Variants in NR2F6 observed in about 807,000 individuals in gnomAD.
NR2F6 encodes the protein ERBA-related gene-2.
A neutral mutation model predicts 26.5 loss-of-function variants in NR2F6; 16 were observed. The ratio of observed to expected loss-of-function variants is 0.60; its 90% CI spans 0.41 to 0.92. The LOEUF (loss-of-function observed/expected upper bound fraction) is 0.92, where lower values mean the gene tolerates loss of function less well. Ranked by LOEUF, NR2F6 falls within the 40% of genes least tolerant of loss-of-function variation. NR2F6 has a pLI of 0.00. For missense variants in NR2F6, 536 were observed against 631.7 expected, an observed-to-expected ratio of 0.85 and a Z score of 1.62; for synonymous variants, 325 against 305.0, an observed-to-expected ratio of 1.07 and a Z score of -0.68.
chr19:17,232,613 G>A lies in NR2F6; in HGVS notation c.954C>T (p.Leu318=). ...IALFTPDACG[L]SDPAHVESLQ... Reference sequence around the variant, plus strand: ...GGCTCTCAACGTGGGCCGGGTCTGAGAGGCCACAGGCGTCTAGGGGGACAA... The same window carrying A: ...GGCTCTCAACGTGGGCCGGGTCTGAAAGGCCACAGGCGTCTAGGGGGACAA... Residue 318 remains leucine (L), a synonymous_variant, in exon 4 of 4, where the codon CTC becomes CTT. Coordinates refer to ENST00000291442, the MANE Select transcript of NR2F6 (RefSeq NM_005234.4). 1.3e-6 allele frequency: 2 copies of A among 1,545,396 alleles called. No individual in the cohort carries two copies. The highest frequency in any genetic ancestry group is 1.7e-6 in the Non-Finnish European group (2 of 1,148,350).
At chr19:17,242,940 C>T (rs2073477423) in intron 1 of NR2F6, among the ~76,000 whole-genome samples, 2 of 152,204 alleles carry the variant, frequency 1.3e-5, no homozygotes, top group South Asian at 2.1e-4. Context: ...TTCTGGCCTC[C>T]AGTCCAATTT....
At chr19:17,236,490 C>T (rs556956989) in intron 2 of NR2F6, among the ~76,000 whole-genome samples, 23 of 152,034 alleles carry the variant, frequency 1.5e-4, no homozygotes, top group Non-Finnish European at 3.1e-4. Flanking sequence ...AGCCACCACC[C>T]CCCACCCCCA....
intron 2 of NR2F6, among the ~76,000 whole-genome samples, chr19:17,237,102 C>T (rs1218017074): frequency 1.3e-5 from 2 of 152,096 alleles, no homozygotes; most frequent in Non-Finnish European, 2.9e-5. Context: ...GAGCAAACAC[C>T]GGAGGGGAAC....
At position 17,235,645 on chromosome 19, in the gene NR2F6, A is replaced by G; in HGVS notation, c.794T>C (p.Leu265Pro). ...CTCGGCGGCCATAGGCGCGGCGTGG[A>G]GGCCGGCGGCGGCCAGTAGCGGCGC... ...HTAPLLAAAG[L>P]HAAPMAAERA... Residue 265 changes from leucine to proline, a missense_variant, in exon 3 of 4, where the codon CTC becomes CCC. Coordinates refer to ENST00000291442, the MANE Select transcript of NR2F6 (RefSeq NM_005234.4). The surrounding 1 kb of genome is among the most constrained non-coding windows in gnomAD (Gnocchi z 5.0). The G allele has an allele frequency of 6.5e-6, 10 of 1,530,146 alleles. No individual in the cohort carries two copies. Among genetic ancestry groups the G allele is most frequent in the Non-Finnish European group, 8.7e-6 (10 of 1,146,590 alleles). 94.8% of individuals were successfully genotyped at this position (1,530,146 alleles called of 1,614,324 possible).
intron 1 of NR2F6, among the ~76,000 whole-genome samples, chr19:17,242,084 C>T (rs943491466): frequency 6.6e-6 from 1 of 150,968 alleles, no homozygotes; most frequent in African/African-American, 2.4e-5. Flanking sequence ...TTTGGGAGGC[C>T]GAGGCGGGCG....
chr19:17,233,268 G>C (rs188679154), intron 3 of NR2F6, among the ~76,000 whole-genome samples: 29 of 150,278 alleles, frequency 1.9e-4, no homozygotes, highest in Non-Finnish European at 1.5e-5. Flanking sequence ...AGTGATCCAT[G>C]ATCATAGCAC....
intron 2 of NR2F6, among the ~76,000 whole-genome samples, chr19:17,239,121 G>A (rs1371073265): frequency 6.6e-6 from 1 of 152,048 alleles, no homozygotes; most frequent in East Asian, 1.9e-4. Flanking sequence ...GGCAGATCAC[G>A]AGATCAGGAG....
Position 17,245,002 on chromosome 19 carries a change from G to T in NR2F6, c.219C>A (p.Cys73Ter). Residue 73 changes from cysteine to a stop codon, truncating the protein, a stop_gained, in exon 1 of 4, where the codon TGC becomes TGA. Transcript: ENST00000291442. LOFTEE classifies it high-confidence loss of function. The surrounding 1 kb of genome is among the most constrained non-coding windows in gnomAD (Gnocchi z 5.0). ...GCTTGAAAAAGCTCTTGCAGCCCTC[G>T]CAGGTGAAGACACCGTAATGCTTGC... ...SSGKHYGVFT[C>*]EGCKSFFKRS... is the part of the protein sequence containing the mutation. The T allele has an allele frequency of 6.3e-7, 1 of 1,592,362 alleles. No individual in the cohort carries two copies. Among genetic ancestry groups the T allele is most frequent in the Non-Finnish European group, 8.5e-7 (1 of 1,170,112 alleles).
Position 17,232,242 on chromosome 19 carries a change from G to A in NR2F6, c.*110C>T, listed in dbSNP as rs2073411285. 2.1e-6 allele frequency: 3 copies of A among 1,416,442 alleles called. No individual in the cohort carries two copies. The highest frequency in any genetic ancestry group is 2.9e-6 in the Non-Finnish European group (3 of 1,040,800). The allele number at this position is 1,416,442 out of a possible 1,614,324, so 87.7% of individuals were successfully genotyped here. On this transcript the variant is annotated 3_prime_UTR_variant, in exon 4 of 4. Transcript: ENST00000291442. ...CAGTCTTTAAAAAATAGAAGTCTGAGGAGAGAAGCCAGAGTCCTGGGCCCC... is the reference window on the plus strand; with the variant it reads ...CAGTCTTTAAAAAATAGAAGTCTGAAGAGAGAAGCCAGAGTCCTGGGCCCC...
chr19:17,241,629 C>T (rs1298842157), intron 1 of NR2F6, among the ~76,000 whole-genome samples: 2 of 152,270 alleles, frequency 1.3e-5, no homozygotes, highest in Non-Finnish European at 2.9e-5. Flanking sequence ...TGGGGGCTCT[C>T]CAAGGCCTGG....
chr19:17,245,406 G>A lies in NR2F6; in HGVS notation c.-186C>T. The A allele has an allele frequency of 2.5e-6, 1 of 401,220 alleles. No individual in the cohort carries two copies. Among genetic ancestry groups the A allele is most frequent in the Non-Finnish European group, 3.9e-6 (1 of 258,680 alleles). The allele number at this position is 401,220 out of a possible 1,614,324, so 24.9% of individuals were successfully genotyped here. On this transcript the variant is annotated 5_prime_UTR_variant, in exon 1 of 4. Coordinates refer to ENST00000291442, the MANE Select transcript of NR2F6 (RefSeq NM_005234.4). This position sits in a 1 kb window ranked among gnomAD's most constrained non-coding sequence, Gnocchi z 5.0. ...CCTCGCGCCCGGGCGGAACTGGTCG[G>A]GCCGGTTCCAGGCCAACTTTCCCAC...
intron 3 of NR2F6, among the ~76,000 whole-genome samples, chr19:17,234,925 G>A (rs1412757385): frequency 1.3e-5 from 2 of 152,210 alleles, no homozygotes; most frequent in African/African-American, 4.8e-5. Context: ...GCCAGTCGCT[G>A]GAATACGATG....
chr19:17,238,246 C>T (rs929476995), intron 2 of NR2F6, among the ~76,000 whole-genome samples: 2 of 152,216 alleles, frequency 1.3e-5, no homozygotes, highest in Non-Finnish European at 2.9e-5. Context: ...TTATTGAACA[C>T]CTACTGTGTA....
In NR2F6 at chr19:17,245,043, C is replaced by G. The variant is rs759556056; in HGVS notation, c.178G>C (p.Gly60Arg). The change falls in exon 1 of 4, where the codon GGG becomes CGG. Residue 60 changes from glycine to arginine, a missense_variant. Gly to Arg is a moderately radical substitution (Grantham distance 125). Coordinates refer to ENST00000291442, the MANE Select transcript of NR2F6 (RefSeq NM_005234.4). The surrounding 1 kb of genome is among the most constrained non-coding windows in gnomAD (Gnocchi z 5.0). ...TAATGCTTGCCGCTCGACTTGTCCC[C>G]GCACACCACGCAGTCCACCTGCAGC... ...PGLQVDCVVCGDKSSGKHYGV... is the reference protein window; with the variant it reads ...PGLQVDCVVCRDKSSGKHYGV... 6.2e-7 allele frequency: 1 copy of G among 1,602,876 alleles called. No individual in the cohort carries two copies. Among genetic ancestry groups the G allele is most frequent in the East Asian group, 2.3e-5 (1 of 44,146 alleles).
chr19:17,236,641 C>T (rs1301030640), intron 2 of NR2F6, among the ~76,000 whole-genome samples: 1 of 152,176 alleles, frequency 6.6e-6, no homozygotes. Context: ...CAGATCAATA[C>T]CCACCCAGCA....
chr19:17,231,894 G>C lies in NR2F6; in HGVS notation c.*458C>G, dbSNP rs1037041734. The C allele has an allele frequency of 1.2e-5, 2 of 163,252 alleles. No homozygotes were observed. The highest frequency in any genetic ancestry group is 5.7e-5 in the Admixed American group (1 of 17,492). 10.1% of individuals were successfully genotyped at this position (163,252 alleles called of 1,614,324 possible). A position where few individuals can be genotyped will look rare whatever the true frequency, so the allele number is the denominator to read the frequency against. On this transcript the variant is annotated 3_prime_UTR_variant, in exon 4 of 4. Coordinates refer to ENST00000291442, the MANE Select transcript of NR2F6 (RefSeq NM_005234.4). ...AAGACCAGGGAGGCTGTGCAGGTAG[G>C]AAATGTCTTTATTATTGGCCTTGAG...
chr19:17,240,092 C>T (rs530261563), intron 2 of NR2F6, among the ~76,000 whole-genome samples: 3 of 152,322 alleles, frequency 2.0e-5, no homozygotes, highest in African/African-American at 7.2e-5. Flanking sequence ...CCACCTGGGT[C>T]CCCTGAGCAG....
chr19:17,238,597 C>G (rs1228560185), intron 2 of NR2F6, among the ~76,000 whole-genome samples: 1 of 152,096 alleles, frequency 6.6e-6, no homozygotes, highest in East Asian at 1.9e-4. Context: ...GAGGCCATGA[C>G]TTGAGATATA....
Position 17,235,591 on chromosome 19 carries a change from C to T in NR2F6, c.848G>A (p.Arg283His). 1.3e-6 allele frequency: 2 copies of T among 1,585,094 alleles called. No homozygotes were observed. Among genetic ancestry groups the T allele is most frequent in the Non-Finnish European group, 1.7e-6 (2 of 1,173,678 alleles). ...ERAVAFMDQV[R>H]AFQEQVDKLG... ...CTTGTCCACCTGCTCCTGGAAGGCG[C>T]GCACCTGGTCCATGAAAGCCACGGC... Residue 283 changes from arginine (R) to histidine (H), a missense_variant, in exon 3 of 4, where the codon CGC (arginine) becomes CAC (histidine). Arg to His is a conservative substitution (Grantham distance 29, BLOSUM62 0). Coordinates refer to ENST00000291442, the MANE Select transcript of NR2F6 (RefSeq NM_005234.4). The surrounding 1 kb of genome is among the most constrained non-coding windows in gnomAD (Gnocchi z 5.0).
Sources: allele counts gnomAD v4.1 joint callset (sites outside exome capture counted in the v4.1 genomes callset), GRCh38; gene constraint gnomAD v4.1.1; non-coding constraint Gnocchi (gnomAD v3.1); transcripts MANE v1.5; gene names NCBI Gene and HGNC (gene_info 2026-07-23, HGNC 2026-07-21).